Variants in BNC2 observed in about 807,000 individuals in gnomAD.
BNC2 encodes zinc finger protein basonuclin-2.
Under a neutral mutation model 76.3 loss-of-function variants are expected in BNC2, and 20 were observed. The observed-to-expected ratio is 0.26, with a 90% confidence interval of 0.18 to 0.38. BNC2 has a LOEUF of 0.38. Among genes scored for constraint, BNC2 ranks in the 10% least tolerant of loss-of-function variants. The pLI is 1.00. For synonymous variants in BNC2, 582 were observed against 514.8 expected (o/e 1.13, Z -1.77); for missense variants, 1,382 against 1,399.8 (o/e 0.99, Z 0.20).
intron 1 of BNC2, among the ~76,000 whole-genome samples, chr9:16,845,869 C>A (rs894797290): frequency 4.7e-5 from 7 of 149,426 alleles, no homozygotes; most frequent in African/African-American, 1.5e-4. Flanking sequence ...AATTTAGTGG[C>A]CCGGGCGCGG....
At chr9:16,527,616 T>C (rs1042600595) in intron 5 of BNC2, among the ~76,000 whole-genome samples, 40 of 152,266 alleles carry the variant, frequency 2.6e-4, no homozygotes, top group African/African-American at 9.4e-4. Flanking sequence ...GAACGACAAC[T>C]GATAGGTCAA....
At chr9:16,665,829 G>A (rs377505283) in intron 3 of BNC2, among the ~76,000 whole-genome samples, 4 of 151,816 alleles carry the variant, frequency 2.6e-5, no homozygotes, top group Non-Finnish European at 5.9e-5. Context: ...AATCCTAAAC[G>A]ATCTGTAAAC....
chr9:16,591,109 T>C (rs1324501738), intron 3 of BNC2, among the ~76,000 whole-genome samples: 10 of 152,308 alleles, frequency 6.6e-5, no homozygotes, highest in Admixed American at 5.9e-4. Flanking sequence ...TATCTCCCTG[T>C]ATAATTTTCA....
At chr9:16,670,288 T>A (rs1217384308) in intron 3 of BNC2, among the ~76,000 whole-genome samples, 2 of 152,136 alleles carry the variant, frequency 1.3e-5, no homozygotes, top group African/African-American at 4.8e-5. Context: ...TAAATACCTC[T>A]ATTTAGAATA....
intron 5 of BNC2, among the ~76,000 whole-genome samples, chr9:16,496,787 A>C (rs1822400115): frequency 6.6e-6 from 1 of 152,220 alleles, no homozygotes; most frequent in Non-Finnish European, 1.5e-5. Context: ...TTAGAAGCCC[A>C]GGCTATGGTG....
At chr9:16,446,096 T>C (rs1200955584) in intron 5 of BNC2, among the ~76,000 whole-genome samples, 3 of 152,156 alleles carry the variant, frequency 2.0e-5, no homozygotes, top group Admixed American at 6.6e-5. Flanking sequence ...TGACTGCATA[T>C]AAAGATTGAT....
rs1277016026 is a variant in BNC2 at position 16,416,921 on chromosome 9, G to A, written c.*2068C>T. On this transcript the variant is annotated 3_prime_UTR_variant, in exon 7 of 7. Transcript: ENST00000380672. ...AACAGTTTCCTTTGGCAAATTTAAC[G>A]GAAGTGAATGCTGATGTGAACATAG... 2.0e-5 allele frequency: 3 copies of A among 152,474 alleles called. No individual in the cohort carries two copies. Among genetic ancestry groups the A allele is most frequent in the East Asian group, 1.9e-4 (1 of 5,196 alleles). 9.4% of individuals were successfully genotyped at this position (152,474 alleles called of 1,614,324 possible).
intron 1 of BNC2, among the ~76,000 whole-genome samples, chr9:16,787,129 T>G (rs956121003): frequency 6.6e-6 from 1 of 152,204 alleles, no homozygotes; most frequent in African/African-American, 2.4e-5. Flanking sequence ...CCAGTCTGCC[T>G]ACTTCAGCAA....
At chr9:16,441,478 T>C (rs897272929) in intron 5 of BNC2, among the ~76,000 whole-genome samples, 3 of 152,210 alleles carry the variant, frequency 2.0e-5, no homozygotes, top group African/African-American at 7.2e-5. Context: ...TGAAGGGAGT[T>C]AGAAAGCATC....
In BNC2 at chr9:16,738,356, A is replaced by G. The variant is rs747484263; in HGVS notation, c.129+4T>C. 6.2e-7 allele frequency: 1 copy of G among 1,613,498 alleles called. No individual in the cohort carries two copies. The highest frequency in any genetic ancestry group is 8.5e-7 in the Non-Finnish European group (1 of 1,179,826). ...TTAAAGGGGGAAAAAAAAAACCAAC[A>G]TACCTCAATTTGAGATGTATCAACC... On this transcript the variant is annotated splice_donor_region_variant and intron_variant, in intron 2 of 6. Transcript: ENST00000380672.
intron 1 of BNC2, among the ~76,000 whole-genome samples, chr9:16,821,944 T>C (rs1818343224): frequency 6.6e-6 from 1 of 151,602 alleles, no homozygotes; most frequent in African/African-American, 2.4e-5. Context: ...ATACAAAAAG[T>C]TAGCCAGGTG....
Position 16,417,922 on chromosome 9 carries a change from G to A in BNC2, c.*1067C>T, listed in dbSNP as rs892177430. The A allele has an allele frequency of 1.3e-5, 2 of 152,586 alleles. No individual in the cohort carries two copies. The highest frequency in any genetic ancestry group is 1.3e-4 in the Admixed American group (2 of 15,280). The allele number at this position is 152,586 out of a possible 1,614,324, so 9.5% of individuals were successfully genotyped here. A position where few individuals can be genotyped will look rare whatever the true frequency, so the allele number is the denominator to read the frequency against. Reference sequence around the variant, plus strand: ...GTGTTTTTTTAAAAAGCGGTTTTCTGGTGGCCAACAAATTGGCCTGTGGTT... The same window carrying A: ...GTGTTTTTTTAAAAAGCGGTTTTCTAGTGGCCAACAAATTGGCCTGTGGTT... On this transcript the variant is annotated 3_prime_UTR_variant, in exon 7 of 7. Coordinates refer to ENST00000380672, the MANE Select transcript of BNC2 (RefSeq NM_017637.6).
intron 3 of BNC2, among the ~76,000 whole-genome samples, chr9:16,675,025 A>C (rs1346359139): frequency 6.6e-6 from 1 of 152,168 alleles, no homozygotes; most frequent in Non-Finnish European, 1.5e-5. Context: ...TAAAAGCAAG[A>C]CCCAAATATT....
At chr9:16,629,157 T>A (rs549025831) in intron 3 of BNC2, among the ~76,000 whole-genome samples, 1 of 152,208 alleles carries the variant, frequency 6.6e-6, no homozygotes, top group Admixed American at 6.5e-5. Context: ...AGGTTTACCT[T>A]TTATGTTTAC....
chr9:16,469,519 C>T (rs965856866), intron 5 of BNC2, among the ~76,000 whole-genome samples: 5 of 152,220 alleles, frequency 3.3e-5, no homozygotes, highest in African/African-American at 7.2e-5. Flanking sequence ...TCCAATTAAA[C>T]CTCTTTTTGT....
intron 3 of BNC2, among the ~76,000 whole-genome samples, chr9:16,687,542 G>A (rs567092912): frequency 1.6e-4 from 24 of 152,068 alleles, no homozygotes; most frequent in Non-Finnish European, 2.6e-4. Context: ...TCCCCAGGGA[G>A]CAATAGAAGG....
intron 1 of BNC2, among the ~76,000 whole-genome samples, chr9:16,795,719 T>C (rs889663218): frequency 6.6e-6 from 1 of 152,200 alleles, no homozygotes; most frequent in Non-Finnish European, 1.5e-5. Context: ...ATGAGTTTGG[T>C]TCCCAAGGGT....
rs535050529 is a variant in BNC2, at chr9:16,518,325, T to C, written c.669+34205A>G. Among the ~76,000 whole-genome samples, 14 of 152,078 alleles carry C rather than the reference T, an allele frequency of 9.2e-5. No homozygotes were observed. In the South Asian group the frequency reaches 2.7e-3, roughly 29 times the overall value. On this transcript the variant is annotated intron_variant, in intron 5 of 6. Transcript: ENST00000380672. Reference sequence around the variant, plus strand: ...GGTGTGCACCTGTGGTCCCAGCTACTCAGTAGGCTGAGGTGGGAGGATTGC... The same window carrying C: ...GGTGTGCACCTGTGGTCCCAGCTACCCAGTAGGCTGAGGTGGGAGGATTGC...
chr9:16,850,391 T>C (rs908867659), intron 1 of BNC2, among the ~76,000 whole-genome samples: 13 of 152,234 alleles, frequency 8.5e-5, no homozygotes, highest in Non-Finnish European at 1.2e-4. Context: ...TGGCTTTTTA[T>C]AGATTTAAAG....
Sources: gnomAD v4.1 joint callset for allele counts (sites outside exome capture counted in the v4.1 genomes callset) on GRCh38, gnomAD v4.1.1 for gene constraint, MANE v1.5 for transcripts, NCBI Gene and HGNC (gene_info 2026-07-23, HGNC 2026-07-21) for gene names.